FOXP2: variants seen among roughly 807,000 people sequenced by gnomAD.
FOXP2 encodes the protein forkhead box P2.
FOXP2 carries 12 observed loss-of-function variants against 115.8 expected under a neutral mutation model. The observed-to-expected ratio is 0.10, with a 90% confidence interval of 0.07 to 0.17. FOXP2 has a LOEUF of 0.17. FOXP2 is among the 10% of genes least tolerant of loss of function. The probability of loss-of-function intolerance (pLI) is 1.00; values close to 1 mark genes in which losing one functional copy is unlikely to be tolerated. For missense variants in FOXP2, 629 were observed against 843.5 expected (o/e 0.75, Z 3.15); for synonymous variants, 328 against 297.7 (o/e 1.10, Z -1.05).
chr7:114,397,069 T>C (rs1412336472), intron 2 of FOXP2, among the ~76,000 whole-genome samples: 1 of 152,108 alleles, frequency 6.6e-6, no homozygotes, highest in Non-Finnish European at 1.5e-5. Flanking sequence ...TAACATATCT[T>C]ATAGTTCTTC....
chr7:114,164,733 C>A (rs1018816026), intron 1 of FOXP2, among the ~76,000 whole-genome samples: 2 of 152,122 alleles, frequency 1.3e-5, no homozygotes, highest in Non-Finnish European at 2.9e-5. Context: ...AACAGCTTTT[C>A]TTCTTATTGA....
chr7:114,381,524 G>A (rs565997796), intron 2 of FOXP2, among the ~76,000 whole-genome samples: 5 of 152,306 alleles, frequency 3.3e-5, no homozygotes, highest in East Asian at 1.9e-4. Flanking sequence ...CGTTGGGTTC[G>A]AAGGATCTTT....
At chr7:114,469,463 T>C (rs1015962211) in intron 2 of FOXP2, among the ~76,000 whole-genome samples, 1 of 152,214 alleles carries the variant, frequency 6.6e-6, no homozygotes, top group Non-Finnish European at 1.5e-5. Context: ...AGTGACATTT[T>C]CACAGTGGTA....
chr7:114,118,488 A>C (rs1197077181), intron 1 of FOXP2, among the ~76,000 whole-genome samples: 1 of 151,278 alleles, frequency 6.6e-6, no homozygotes, highest in South Asian at 2.1e-4. Context: ...ATCAGAGTCA[A>C]GCTTTGAAAA....
chr7:114,503,392 A>G (rs1218443849), intron 2 of FOXP2, among the ~76,000 whole-genome samples: 1 of 151,724 alleles, frequency 6.6e-6, no homozygotes, highest in Non-Finnish European at 1.5e-5. Context: ...GTGCTATCTA[A>G]GGATGACAAT....
rs184112850 is a variant in FOXP2, at chr7:114,215,633, C to T, written c.-102+52545C>T. Among the ~76,000 whole-genome samples the T allele has an allele frequency of 7.9e-5, 12 of 151,182 alleles. No individual in the cohort carries two copies. The East Asian group carries it at 2.3e-3, about 29-fold the overall frequency. On this transcript the variant is annotated intron_variant, in intron 1 of 17. Coordinates refer to the FOXP2 transcript ENST00000634411. ...TGATGTACCATTAGTACAGTGTGTA[C>T]TTAGCATTGGTTAAGATACTGCTTT... is the stretch of plus-strand genomic sequence containing the variant.
At chr7:114,229,249 T>G (rs1794814027) in intron 1 of FOXP2, among the ~76,000 whole-genome samples, 1 of 151,154 alleles carries the variant, frequency 6.6e-6, no homozygotes, top group Non-Finnish European at 1.5e-5. Context: ...TATCCAATGT[T>G]AGAGCACCTA....
intron 2 of FOXP2, among the ~76,000 whole-genome samples, chr7:114,462,693 A>G (rs1422722380): frequency 2.0e-5 from 3 of 152,098 alleles, no homozygotes; most frequent in Non-Finnish European, 4.4e-5. Flanking sequence ...ATCTTTTCAC[A>G]TCATAGTCTT....
chr7:114,103,385 A>G (rs1485299010), intron 1 of FOXP2, among the ~76,000 whole-genome samples: 1 of 152,008 alleles, frequency 6.6e-6, no homozygotes, highest in Non-Finnish European at 1.5e-5. Context: ...AGCTATATTT[A>G]TTTACAGTGG....
intron 2 of FOXP2, among the ~76,000 whole-genome samples, chr7:114,300,525 G>GA (rs939136134): frequency 1.3e-5 from 2 of 151,620 alleles, no homozygotes; most frequent in Admixed American, 1.3e-4. Context: ...CCTGAAACAA[G>GA]AAAAAATATT....
At chr7:114,419,198 G>A (rs1793487549) in intron 1 of FOXP2, among the ~76,000 whole-genome samples, 1 of 151,854 alleles carries the variant, frequency 6.6e-6, no homozygotes, top group South Asian at 2.1e-4. Flanking sequence ...TAATCTATGT[G>A]TATTAAATAT....
At chr7:114,317,345 G>T (rs893143726) in intron 2 of FOXP2, among the ~76,000 whole-genome samples, 1 of 152,184 alleles carries the variant, frequency 6.6e-6, no homozygotes, top group Non-Finnish European at 1.5e-5. Flanking sequence ...GCTTTATTTT[G>T]ATGAGTGGAT....
intron 2 of FOXP2, among the ~76,000 whole-genome samples, chr7:114,304,263 T>C (rs1036431630): frequency 6.6e-6 from 1 of 152,020 alleles, no homozygotes; most frequent in Non-Finnish European, 1.5e-5. Flanking sequence ...ACATGAAGAA[T>C]GGTAAATAAG....
chr7:114,650,922 G>A (rs1473937940), intron 8 of FOXP2, among the ~76,000 whole-genome samples: 1 of 151,876 alleles, frequency 6.6e-6, no homozygotes, highest in Admixed American at 6.6e-5. Context: ...GCAAAACAAA[G>A]GTTTCTGATT....
Position 114,146,081 on chromosome 7 carries a change from C to T in FOXP2, c.-246-16863C>T, listed in dbSNP as rs536930287. Among the ~76,000 whole-genome samples the T allele has an allele frequency of 3.3e-5, 5 of 152,212 alleles. No homozygotes were observed. The South Asian group carries it at 1.0e-3, about 32-fold the overall frequency. ...AGATTAAGGTAAAGTGAAACTTGTA[C>T]CTTCAAGACTTAGCCAGTTTAGCTG... On this transcript the variant is annotated intron_variant, in intron 1 of 19. Coordinates refer to the FOXP2 transcript ENST00000635638.
chr7:114,207,651 C>T (rs1385210191), intron 1 of FOXP2, among the ~76,000 whole-genome samples: 1 of 152,126 alleles, frequency 6.6e-6, no homozygotes, highest in Non-Finnish European at 1.5e-5. Context: ...TAATTAATTT[C>T]TTCCCACAAA....
At chr7:114,372,722 G>T (rs73432296) in intron 2 of FOXP2, among the ~76,000 whole-genome samples, 1,718 of 151,660 alleles carry the variant, frequency 0.011, 24 homozygotes, top group African/African-American at 0.037. Flanking sequence ...TTTTTTTTTG[G>T]TTTTTTTGTT....
chr7:114,301,276 A>G (rs781021525), intron 2 of FOXP2, among the ~76,000 whole-genome samples: 1 of 152,108 alleles, frequency 6.6e-6, no homozygotes, highest in African/African-American at 2.4e-5. Flanking sequence ...AGTTCATTCT[A>G]TATTAAGAAT....
At chr7:114,197,151 T>C (rs1584538788) in intron 1 of FOXP2, among the ~76,000 whole-genome samples, 1 of 152,138 alleles carries the variant, frequency 6.6e-6, no homozygotes, top group Non-Finnish European at 1.5e-5. Flanking sequence ...TGAACTGTGA[T>C]TGTGCCACTG....
Sources: gnomAD v4.1 joint callset for allele counts (sites outside exome capture counted in the v4.1 genomes callset) on GRCh38, gnomAD v4.1.1 for gene constraint, MANE v1.5 for transcripts, NCBI Gene and HGNC (gene_info 2026-07-23, HGNC 2026-07-21) for gene names.